Variants in PITPNM3 observed in about 807,000 individuals in gnomAD.
PITPNM3 encodes the protein PITPNM family member 3, also known as membrane-associated phosphatidylinositol transfer protein 3.
A neutral mutation model predicts 102.0 loss-of-function variants in PITPNM3; 26 were observed. The ratio of observed to expected loss-of-function variants is 0.25; its 90% CI spans 0.19 to 0.35. The LOEUF (loss-of-function observed/expected upper bound fraction) is 0.35. Ranked by LOEUF, PITPNM3 falls within the 10% of genes least tolerant of loss-of-function variation. The probability of loss-of-function intolerance (pLI) is 1.00; values close to 1 mark genes in which losing one functional copy is unlikely to be tolerated. For synonymous variants in PITPNM3, 578 were observed against 558.6 expected (o/e 1.03, Z -0.49); for missense variants, 1,083 against 1,346.1 (o/e 0.80, Z 3.06).
At position 6,517,031 on chromosome 17, in the gene PITPNM3, C is replaced by T. The variant is rs931581246; in HGVS notation, c.226+8325G>A. 2.6e-5 allele frequency among the ~76,000 whole-genome samples: 4 copies of T among 152,076 alleles called. No individual in the cohort carries two copies. The highest frequency in any genetic ancestry group is 2.9e-5 in the Non-Finnish European group (2 of 68,036). ...GAATAGCTGCAGAGATAGTTGGGAA[C>T]GTGATAATGGAGGCAGATAAGCTCA... On this transcript the variant is annotated intron_variant, in intron 3 of 19. Transcript: ENST00000262483. This position sits in a 1 kb window ranked among gnomAD's most constrained non-coding sequence, Gnocchi z 4.1.
In PITPNM3 at chr17:6,477,086, C is replaced by T; in HGVS notation, c.1028G>A (p.Ser343Asn). 5 of 1,614,158 alleles carry T rather than the reference C, an allele frequency of 3.1e-6. No homozygotes were observed. The highest frequency in any genetic ancestry group is 4.2e-6 in the Non-Finnish European group (5 of 1,180,032). Residue 343 changes from serine to asparagine, a missense_variant, in exon 9 of 20, where the codon AGC becomes AAC. Coordinates refer to ENST00000262483, the MANE Select transcript of PITPNM3 (RefSeq NM_031220.4). ...CTCGCAGTCATAGGTGGAGGAGTCG[C>T]TCTGTTTCCGCGGCAACGGCCTCTT... The part of the protein sequence containing the change: ...EPKRPLPRKQ[S>N]DSSTYDCEAI...
intron 1 of PITPNM3, among the ~76,000 whole-genome samples, chr17:6,549,876 C>G (rs118180626): frequency 0.018 from 2,788 of 152,246 alleles, 76 homozygotes; most frequent in East Asian, 0.11. Flanking sequence ...TGATGGCCTG[C>G]CAGGAGGCAC....
At chr17:6,494,059 C>G (rs796470020) in intron 4 of PITPNM3, among the ~76,000 whole-genome samples, 1 of 152,300 alleles carries the variant, frequency 6.6e-6, no homozygotes, top group African/African-American at 2.4e-5. Flanking sequence ...TAAGACTGGT[C>G]CTGAGTTTCT....
Position 6,537,501 on chromosome 17 carries a change from G to T in PITPNM3, c.118+486C>A, listed in dbSNP as rs187041673. Reference sequence around the variant, plus strand: ...GGGAATACACATGTTGGCCAGGCTGGTCTCAAACTCCTGACCTCAGGTGAT... The same window carrying T: ...GGGAATACACATGTTGGCCAGGCTGTTCTCAAACTCCTGACCTCAGGTGAT... On this transcript the variant is annotated intron_variant, in intron 2 of 19. Transcript: ENST00000262483. This position sits in a 1 kb window ranked among gnomAD's most constrained non-coding sequence, Gnocchi z 4.4. Among the ~76,000 whole-genome samples the T allele has an allele frequency of 9.2e-5, 14 of 152,232 alleles. No individual in the cohort carries two copies. The highest frequency in any genetic ancestry group is 1.3e-4 in the Non-Finnish European group (9 of 68,016).
intron 4 of PITPNM3, among the ~76,000 whole-genome samples, chr17:6,489,773 A>C (rs1906334411): frequency 6.6e-6 from 1 of 152,188 alleles, no homozygotes. Flanking sequence ...TGGGGGACCA[A>C]GGCAGGCAGA....
chr17:6,532,318 T>A (rs891319313), intron 2 of PITPNM3, among the ~76,000 whole-genome samples: 3 of 152,128 alleles, frequency 2.0e-5, no homozygotes, highest in Non-Finnish European at 4.4e-5. Context: ...TCTCCATTTT[T>A]TAAACAGCAT....
Position 6,556,517 on chromosome 17 carries a change from G to A in PITPNM3, c.-111C>T. 1.4e-6 allele frequency: 1 copy of A among 699,298 alleles called. No individual in the cohort carries two copies. Among genetic ancestry groups the A allele is most frequent in the Non-Finnish European group, 1.7e-6 (1 of 574,170 alleles). 43.3% of individuals were successfully genotyped at this position (699,298 alleles called of 1,614,324 possible). A position where few individuals can be genotyped will look rare whatever the true frequency, so the allele number is the denominator to read the frequency against. ...CTCCGAGCGCCGCGCCCGCGCCCCC[G>A]CCCCGCTCGCCTCGGCTGCCGCCAC... On this transcript the variant is annotated 5_prime_UTR_variant, in exon 1 of 20. Coordinates refer to ENST00000262483, the MANE Select transcript of PITPNM3 (RefSeq NM_031220.4). The surrounding 1 kb of genome is among the most constrained non-coding windows in gnomAD (Gnocchi z 5.2).
At position 6,528,349 on chromosome 17, in the gene PITPNM3, T is replaced by C. The variant is rs150748038; in HGVS notation, c.119-2886A>G. On this transcript the variant is annotated intron_variant, in intron 2 of 19. Transcript: ENST00000262483. ...CTCTCTCATTCTCTATGGATTTCTC[T>C]TTTGTCTCTCTGGGTCCCTGTCCTC... Among the ~76,000 whole-genome samples the C allele has an allele frequency of 4.8e-4, 73 of 152,274 alleles. 1 individual carries two copies. In the East Asian group the frequency reaches 0.013, roughly 27 times the overall value.
chr17:6,545,783 C>T (rs1189086743), intron 1 of PITPNM3, among the ~76,000 whole-genome samples: 2 of 152,254 alleles, frequency 1.3e-5, no homozygotes, highest in Non-Finnish European at 2.9e-5. Flanking sequence ...ATGTGCAGCA[C>T]CTGTGTCCCT....
intron 14 of PITPNM3, among the ~76,000 whole-genome samples, chr17:6,467,070 A>C (rs1477512590): frequency 3.7e-5 from 1 of 26,904 alleles, no homozygotes; most frequent in Non-Finnish European, 9.2e-5. Flanking sequence ...CTCAAAACAA[A>C]AAAAAAAAAC....
intron 4 of PITPNM3, among the ~76,000 whole-genome samples, chr17:6,494,629 T>G (rs1335611251): frequency 6.6e-6 from 1 of 152,196 alleles, no homozygotes; most frequent in Non-Finnish European, 1.5e-5. Context: ...CAACTTTTTT[T>G]TTTCCACCTG....
At position 6,537,985 on chromosome 17, in the gene PITPNM3, A is replaced by C; in HGVS notation, c.118+2T>G. 6.2e-7 allele frequency: 1 copy of C among 1,611,186 alleles called. No homozygotes were observed. ...AGTGATATGAGACTGGGGTTCACTC[A>C]CCTCTGGCATCAAAGAATTCATCAT... On this transcript the variant is annotated splice_donor_variant, in intron 2 of 19. Coordinates refer to ENST00000262483, the MANE Select transcript of PITPNM3 (RefSeq NM_031220.4). LOFTEE classifies it high-confidence loss of function. The surrounding 1 kb of genome is among the most constrained non-coding windows in gnomAD (Gnocchi z 4.4).
intron 6 of PITPNM3, chr17:6,479,780 G>A (rs1467290500): frequency 6.6e-6 from 1 of 152,282 alleles, no homozygotes; most frequent in African/African-American, 2.4e-5. Flanking sequence ...ATTAGAGGAA[G>A]CAGGCCTCGA....
intron 4 of PITPNM3, among the ~76,000 whole-genome samples, chr17:6,485,117 C>T (rs1199344398): frequency 5.3e-5 from 8 of 151,998 alleles, no homozygotes; most frequent in African/African-American, 1.9e-4. Context: ...AAACCATGCA[C>T]GAAAGCCAGT....
At chr17:6,508,433 A>G (rs1412436101) in intron 3 of PITPNM3, among the ~76,000 whole-genome samples, 3 of 152,192 alleles carry the variant, frequency 2.0e-5, no homozygotes, top group East Asian at 3.9e-4. Flanking sequence ...GGACACCCCA[A>G]TACTGGGAAG....
Position 6,458,412 on chromosome 17 carries a change from T to G in PITPNM3, c.2491-690A>C, listed in dbSNP as rs1490272456. ...AGCCATTGGAGACTTTGGTCCTGGG[T>G]CACAAGCTTTCCTTCCTGCCAAGCC... On this transcript the variant is annotated intron_variant, in intron 18 of 19. Transcript: ENST00000262483. The surrounding 1 kb of genome is among the most constrained non-coding windows in gnomAD (Gnocchi z 5.1). Among the ~76,000 whole-genome samples the G allele has an allele frequency of 6.6e-6, 1 of 152,070 alleles. No homozygotes were observed. Among genetic ancestry groups the G allele is most frequent in the Non-Finnish European group, 1.5e-5 (1 of 68,016 alleles).
Position 6,469,555 on chromosome 17 carries a change from G to A in PITPNM3, c.1773+705C>T, listed in dbSNP as rs914897173. ...TGGGCTCCCGTCTTTCTCCTACAAC[G>A]CAGACAGCCACAAGCGCTCTCACCG... On this transcript the variant is annotated intron_variant, in intron 13 of 19. Coordinates refer to ENST00000262483, the MANE Select transcript of PITPNM3 (RefSeq NM_031220.4). The surrounding 1 kb of genome is among the most constrained non-coding windows in gnomAD (Gnocchi z 4.0). 4.6e-5 allele frequency among the ~76,000 whole-genome samples: 7 copies of A among 152,132 alleles called. No individual in the cohort carries two copies. Among genetic ancestry groups the A allele is most frequent in the Non-Finnish European group, 8.8e-5 (6 of 68,026 alleles).
chr17:6,549,856 G>A (rs1247119165), intron 1 of PITPNM3, among the ~76,000 whole-genome samples: 1 of 152,156 alleles, frequency 6.6e-6, no homozygotes, highest in East Asian at 1.9e-4. Context: ...GCTCCTGGCT[G>A]CAGACCTGGT....
At chr17:6,505,441 C>T (rs1282464374) in intron 3 of PITPNM3, among the ~76,000 whole-genome samples, 1 of 152,024 alleles carries the variant, frequency 6.6e-6, no homozygotes, top group Non-Finnish European at 1.5e-5. Flanking sequence ...AAAGCCTAGG[C>T]CCAAGAGGGG....
Sources: allele counts gnomAD v4.1 joint callset (sites outside exome capture counted in the v4.1 genomes callset), GRCh38; gene constraint gnomAD v4.1.1; non-coding constraint Gnocchi (gnomAD v3.1); transcripts MANE v1.5; gene names NCBI Gene and HGNC (gene_info 2026-07-23, HGNC 2026-07-21).